DLAT: variants seen among roughly 807,000 people sequenced by gnomAD.
DLAT encodes the protein dihydrolipoyllysine-residue acetyltransferase component of pyruvate dehydrogenase complex, mitochondrial.
DLAT carries 43 observed loss-of-function variants against 68.0 expected under a neutral mutation model. The observed-to-expected ratio is 0.63, with a 90% CI of 0.50 to 0.81. The LOEUF (loss-of-function observed/expected upper bound fraction) is 0.81, where lower values mean the gene tolerates loss of function less well. DLAT is among the 40% of genes least tolerant of loss of function. The pLI is 0.00. For synonymous variants in DLAT, 265 were observed against 288.6 expected (o/e 0.92, Z 0.83); for missense variants, 745 against 815.4 (o/e 0.91, Z 1.05).
In DLAT at chr11:112,025,512, C is replaced by G. The variant is rs781801635; in HGVS notation, c.40C>G (p.Pro14Ala). The change falls in exon 1 of 14, where the codon CCA becomes GCA. Residue 14 changes from proline to alanine, a missense_variant. Physicochemically the swap from Pro to Ala is conservative, Grantham distance 27 (BLOSUM62 -1). Coordinates refer to ENST00000280346, the MANE Select transcript of DLAT (RefSeq NM_001931.5). ...TGCGCGACGGGCTCAGAATGTAGCC[C>G]CATGGGCGGGACTCGAGGCTCGGTG... ...VCARRAQNVA[P>A]WAGLEARWTA... 10 of 1,613,770 alleles carry G rather than the reference C, an allele frequency of 6.2e-6. No homozygotes were observed. Among genetic ancestry groups the G allele is most frequent in the African/African-American group, 2.7e-5 (2 of 74,898 alleles).
In DLAT at chr11:112,051,957, C is replaced by G. The variant is rs1358965953; in HGVS notation, c.1514+608C>G. Among the ~76,000 whole-genome samples the G allele has an allele frequency of 3.3e-5, 5 of 152,100 alleles. No individual in the cohort carries two copies. The highest frequency in any genetic ancestry group is 7.4e-5 in the Non-Finnish European group (5 of 68,018). On this transcript the variant is annotated intron_variant, in intron 11 of 13. Coordinates refer to ENST00000280346, the MANE Select transcript of DLAT (RefSeq NM_001931.5). This position sits in a 1 kb window ranked among gnomAD's most constrained non-coding sequence, Gnocchi z 4.3. ...CTTTTATCTCATTCAATTCTCATGACTATCTTATGATTTAAGTGCTTTCAC... is the reference window on the plus strand; with the variant it reads ...CTTTTATCTCATTCAATTCTCATGAGTATCTTATGATTTAAGTGCTTTCAC...
intron 9 of DLAT, 67 bp downstream of exon 9, chr11:112,045,297 T>C: frequency 7.6e-7 from 1 of 1,311,784 alleles, no homozygotes; most frequent in South Asian, 1.2e-5. Context: ...GTTGCTTCCA[T>C]AGTTTTTAAC....
At chr11:112,027,175 T>C (rs1214594208) in intron 2 of DLAT, among the ~76,000 whole-genome samples, 3 of 148,182 alleles carry the variant, frequency 2.0e-5, no homozygotes, top group Non-Finnish European at 3.0e-5. Context: ...GGCTCCTCAC[T>C]TCTCAGACGG....
At chr11:112,036,412 C>T (rs1555180519) in intron 5 of DLAT, among the ~76,000 whole-genome samples, 1 of 150,912 alleles carries the variant, frequency 6.6e-6, no homozygotes, top group African/African-American at 2.4e-5. Context: ...GGGGTTTCTC[C>T]ACGTTGGTCA....
intron 10 of DLAT, among the ~76,000 whole-genome samples, chr11:112,049,236 T>G (rs1237021408): frequency 6.6e-6 from 1 of 152,142 alleles, no homozygotes; most frequent in Non-Finnish European, 1.5e-5. Context: ...CTAAGTGAAT[T>G]TTAGGATTAG....
At chr11:112,054,355 TTTGG>T (rs1172285364) in intron 11 of DLAT, among the ~76,000 whole-genome samples, 2 of 151,962 alleles carry the variant, frequency 1.3e-5, no homozygotes, top group Non-Finnish European at 2.9e-5. Flanking sequence ...TAAATCTATA[TTTGG>T]TTAATTTTTT....
intron 11 of DLAT, among the ~76,000 whole-genome samples, chr11:112,059,051 TAA>T (rs782171316): frequency 1.0e-4 from 14 of 140,112 alleles, no homozygotes; most frequent in Admixed American, 7.2e-5. Context: ...TGATATTGTG[TAA>T]AAAAAAAAAA....
At chr11:112,039,629 AC>A (rs1200414293) in intron 7 of DLAT, among the ~76,000 whole-genome samples, 1 of 152,066 alleles carries the variant, frequency 6.6e-6, no homozygotes, top group Non-Finnish European at 1.5e-5. Flanking sequence ...CACTTTAGAT[AC>A]CTTTTTTTTT....
intron 5 of DLAT, among the ~76,000 whole-genome samples, chr11:112,036,264 A>AGTG (rs1194402342): frequency 2.6e-5 from 3 of 115,312 alleles, no homozygotes; most frequent in African/African-American, 3.4e-5. Flanking sequence ...CCCAGGCTGG[A>AGTG]GTGCAATGGC....
chr11:112,058,272 A>G (rs1400239972), intron 11 of DLAT, among the ~76,000 whole-genome samples: 1 of 152,220 alleles, frequency 6.6e-6, no homozygotes, highest in Admixed American at 6.5e-5. Context: ...TAATTTATTC[A>G]AGAAAGCAGT....
chr11:112,050,768 T>C (rs1223702144), intron 10 of DLAT, among the ~76,000 whole-genome samples: 2 of 152,264 alleles, frequency 1.3e-5, no homozygotes, highest in Non-Finnish European at 2.9e-5. Flanking sequence ...GTCATTTGAT[T>C]GATCTTTTCA....
At chr11:112,030,593 T>C (rs1451038595) in intron 4 of DLAT, among the ~76,000 whole-genome samples, 1 of 152,238 alleles carries the variant, frequency 6.6e-6, no homozygotes, top group African/African-American at 2.4e-5. Flanking sequence ...GATACACATA[T>C]GTAATAGTGT....
chr11:112,025,504 A>C lies in DLAT; in HGVS notation c.32A>C (p.Asn11Thr), dbSNP rs1035034726. The C allele has an allele frequency of 5.0e-6, 8 of 1,613,578 alleles. No homozygotes were observed. The Admixed American group carries it at 1.3e-4, about 27-fold the overall frequency. The change falls in exon 1 of 14, where the codon AAT (asparagine) becomes ACT (threonine). Residue 11 changes from asparagine to threonine, a missense_variant. Physicochemically the swap from Asn to Thr is moderately conservative, Grantham distance 65. Coordinates refer to ENST00000280346, the MANE Select transcript of DLAT (RefSeq NM_001931.5). MWRVCARRAQ[N>T]VAPWAGLEAR... ...CGCGTCTGTGCGCGACGGGCTCAGA[A>C]TGTAGCCCCATGGGCGGGACTCGAG...
intron 1 of DLAT, among the ~76,000 whole-genome samples, 160 bp downstream of exon 1, chr11:112,025,911 C>A (rs1347197727): frequency 6.6e-6 from 1 of 152,194 alleles, no homozygotes; most frequent in African/African-American, 2.4e-5. Context: ...TCCTTAGTGT[C>A]CCTCTCATGA....
rs1555183399 is a variant in DLAT at position 112,062,537 on chromosome 11, T to A, written c.*2T>A. The A allele has an allele frequency of 1.9e-6, 3 of 1,612,264 alleles. No individual in the cohort carries two copies. Among genetic ancestry groups the A allele is most frequent in the East Asian group, 2.2e-5 (1 of 44,886 alleles). On this transcript the variant is annotated 3_prime_UTR_variant, in exon 14 of 14. Coordinates refer to ENST00000280346, the MANE Select transcript of DLAT (RefSeq NM_001931.5). The stretch of plus-strand genomic sequence containing the variant: ...AAACCTATCACTATGTTGTTGTAAC[T>A]AACTCAAGAATTTCTAAACTCTCCC...
chr11:112,040,372 C>T (rs954953767), intron 7 of DLAT, among the ~76,000 whole-genome samples: 9 of 152,304 alleles, frequency 5.9e-5, no homozygotes, highest in African/African-American at 1.9e-4. Context: ...AACAGACTCT[C>T]AGACTCTTCA....
At chr11:112,047,150 T>C (rs1209074732) in intron 10 of DLAT, among the ~76,000 whole-genome samples, 1 of 152,222 alleles carries the variant, frequency 6.6e-6, no homozygotes, top group African/African-American at 2.4e-5. Context: ...TTTTTAGTGA[T>C]CGCCATTGTA....
intron 2 of DLAT, among the ~76,000 whole-genome samples, chr11:112,027,065 G>A (rs1444046999): frequency 6.6e-6 from 1 of 151,800 alleles, no homozygotes; most frequent in African/African-American, 2.4e-5. Flanking sequence ...CTCCCGGACG[G>A]GGTGGCTGCC....
At position 112,045,220 on chromosome 11, in the gene DLAT, A is replaced by C; in HGVS notation, c.1280A>C (p.Asn427Thr). 1 of 1,613,912 alleles carries C rather than the reference A, an allele frequency of 6.2e-7. No homozygotes were observed. The highest frequency in any genetic ancestry group is 8.5e-7 in the Non-Finnish European group (1 of 1,179,792). ...TGVFTDIPISNIRRVIAQRLM... is the reference protein window; with the variant it reads ...TGVFTDIPISTIRRVIAQRLM... ...GTCTTCACAGATATCCCAATCAGCA[A>C]CATTCGTCGGGTAAGAGAATTACCA... Residue 427 changes from asparagine (N) to threonine (T), a missense_variant, in exon 9 of 14, where the codon AAC becomes ACC. Physicochemically the swap from Asn to Thr is moderately conservative, Grantham distance 65. Coordinates refer to ENST00000280346, the MANE Select transcript of DLAT (RefSeq NM_001931.5).
Sources: allele counts gnomAD v4.1 joint callset (sites outside exome capture counted in the v4.1 genomes callset), GRCh38; gene constraint gnomAD v4.1.1; non-coding constraint Gnocchi (gnomAD v3.1); transcripts MANE v1.5; gene names NCBI Gene and HGNC (gene_info 2026-07-23, HGNC 2026-07-21).